Variants in ZC3HAV1 observed in about 807,000 individuals in gnomAD.
The protein encoded by ZC3HAV1 is zinc finger CCCH-type antiviral protein 1.
A neutral mutation model predicts 86.6 loss-of-function variants in ZC3HAV1; 41 were observed. The observed-to-expected ratio is 0.47, with a 90% CI of 0.37 to 0.61. ZC3HAV1 has a LOEUF of 0.61. Ranked by LOEUF, ZC3HAV1 falls within the 20% of genes least tolerant of loss-of-function variation. The pLI, the probability that ZC3HAV1 is intolerant of heterozygous loss-of-function variation, is 0.00. For synonymous variants in ZC3HAV1, 421 were observed against 432.1 expected (o/e 0.97, Z 0.32); for missense variants, 964 against 1,141.1 (o/e 0.84, Z 2.24).
rs146018538 is a variant in ZC3HAV1 at position 139,107,718 on chromosome 7, G to C, written c.308+1306C>G. Among the ~76,000 whole-genome samples the C allele has an allele frequency of 1.3e-3, 195 of 152,304 alleles. 1 individual carries two copies. Among genetic ancestry groups the C allele is most frequent in the African/African-American group, 4.5e-3 (186 of 41,566 alleles). Reference sequence around the variant, plus strand: ...CTCGGGAGGCTGAGGCAGGAGAATCGCTTGAACCTGGGAGGTGGAGGTTGC... The same window carrying C: ...CTCGGGAGGCTGAGGCAGGAGAATCCCTTGAACCTGGGAGGTGGAGGTTGC... On this transcript the variant is annotated intron_variant, in intron 1 of 12. Transcript: ENST00000242351.
At chr7:139,084,274 T>A (rs890501655) in intron 2 of ZC3HAV1, among the ~76,000 whole-genome samples, 1 of 152,118 alleles carries the variant, frequency 6.6e-6, no homozygotes, top group Non-Finnish European at 1.5e-5. Context: ...CTTGGAAGAA[T>A]CAATGTAAGC....
At chr7:139,086,757 T>C (rs1817283362) in intron 2 of ZC3HAV1, among the ~76,000 whole-genome samples, 1 of 152,336 alleles carries the variant, frequency 6.6e-6, no homozygotes, top group Middle Eastern at 3.4e-3. Flanking sequence ...GTTCTCATGA[T>C]AGTGAGTTCT....
chr7:139,056,600 A>G (rs904041816), intron 9 of ZC3HAV1, among the ~76,000 whole-genome samples: 2 of 150,156 alleles, frequency 1.3e-5, no homozygotes, highest in East Asian at 3.9e-4. Context: ...TGGGGTCTCA[A>G]CTCACCATGT....
Position 139,054,098 on chromosome 7 carries a change from A to C in ZC3HAV1, c.2188-3T>G. 1.9e-6 allele frequency: 3 copies of C among 1,563,592 alleles called. No individual in the cohort carries two copies. The highest frequency in any genetic ancestry group is 2.6e-6 in the Non-Finnish European group (3 of 1,164,032). ...TGTAGGTGATGGATCTCTGACAACT[A>C]ATAAAGTTTAAAAATAGATAAATGT... On this transcript the variant is annotated splice_polypyrimidine_tract_variant and splice_region_variant and intron_variant, in intron 10 of 12. Transcript: ENST00000242351.
chr7:139,084,621 C>G (rs571918373), intron 2 of ZC3HAV1, among the ~76,000 whole-genome samples: 1 of 152,306 alleles, frequency 6.6e-6, no homozygotes, highest in East Asian at 1.9e-4. Flanking sequence ...GTTTTAAAAT[C>G]TGAGGCCCTG....
At chr7:139,092,086 T>C (rs1048371306) in intron 1 of ZC3HAV1, among the ~76,000 whole-genome samples, 3 of 152,146 alleles carry the variant, frequency 2.0e-5, no homozygotes, top group Admixed American at 1.3e-4. Context: ...AAAGGATAAA[T>C]GGTTACAAGA....
intron 1 of ZC3HAV1, among the ~76,000 whole-genome samples, chr7:139,091,027 A>AC (rs1489148703): frequency 6.6e-6 from 1 of 152,034 alleles, no homozygotes; most frequent in Non-Finnish European, 1.5e-5. Context: ...CCACCCTGTG[A>AC]CCCTGGCTTC....
intron 11 of ZC3HAV1, 105 bp downstream of exon 11, chr7:139,053,860 A>G: frequency 7.3e-7 from 1 of 1,378,396 alleles, no homozygotes; most frequent in Non-Finnish European, 9.7e-7. Context: ...GCCTAAAGGA[A>G]CTGTTAACTA....
At chr7:139,053,629 T>A in intron 11 of ZC3HAV1, 48 bp from the exon 12 acceptor site, 1 of 1,519,924 alleles carries the variant, frequency 6.6e-7, no homozygotes, top group South Asian at 1.3e-5. Context: ...CCCTTCCCAC[T>A]CCAGTTGATA....
At chr7:139,055,494 T>C (rs2297240) in intron 9 of ZC3HAV1, among the ~76,000 whole-genome samples, 199 bp from the exon 10 acceptor site, 94,766 of 152,106 alleles carry the variant, frequency 0.62, 29,687 homozygotes, top group East Asian at 0.7. Flanking sequence ...ATGCTGCAAC[T>C]ATTCATAATC....
At chr7:139,106,336 G>A (rs572050849) in intron 1 of ZC3HAV1, among the ~76,000 whole-genome samples, 3 of 152,342 alleles carry the variant, frequency 2.0e-5, no homozygotes, top group South Asian at 4.1e-4. Context: ...TAGGCCAGGT[G>A]AGGCAGTGGC....
intron 1 of ZC3HAV1, among the ~76,000 whole-genome samples, chr7:139,097,420 A>ATTTTTTTTTT (rs1563140627): frequency 2.5e-5 from 2 of 79,168 alleles, no homozygotes; most frequent in Non-Finnish European, 4.3e-5. Context: ...ATATATATAT[A>ATTTTTTTTTT]TATATATATT....
At chr7:139,090,199 G>A (rs968294580) in intron 1 of ZC3HAV1, among the ~76,000 whole-genome samples, 4 of 152,092 alleles carry the variant, frequency 2.6e-5, no homozygotes, top group African/African-American at 9.7e-5. Context: ...GGGATTACAG[G>A]TATGAGCTAC....
Position 139,047,684 on chromosome 7 carries a change from A to G in ZC3HAV1, c.2619T>C (p.Asn873=), listed in dbSNP as rs1442269276. The change falls in exon 13 of 13, where the codon AAT becomes AAC. Residue 873 remains asparagine, a synonymous_variant. Transcript: ENST00000242351. The part of the protein sequence containing the change: ...QFDSCVDTRS[N]PSVFVIFQKD... ...TCTGAAAGATGACAAAAACGGAGGG[A>G]TTCGATCTGGTATCCACACAGCTGT... 7 of 1,614,020 alleles carry G rather than the reference A, an allele frequency of 4.3e-6. No individual in the cohort carries two copies. The highest frequency in any genetic ancestry group is 5.9e-6 in the Non-Finnish European group (7 of 1,180,038).
chr7:139,102,970 ATATG>A (rs1314973356), intron 1 of ZC3HAV1, among the ~76,000 whole-genome samples: 2 of 87,428 alleles, frequency 2.3e-5, no homozygotes, highest in Non-Finnish European at 4.8e-5. Context: ...ATGTATATGT[ATATG>A]TGTGTGTGTG....
chr7:139,079,208 G>A (rs972396328), intron 4 of ZC3HAV1: 9 of 1,536,258 alleles, frequency 5.9e-6, no homozygotes, highest in Non-Finnish European at 7.8e-6. Flanking sequence ...TCTGTTGCTT[G>A]AGGAAAGGGC....
Position 139,046,863 on chromosome 7 carries a change from CT to C in ZC3HAV1, c.*730del, listed in dbSNP as rs1419019143. On this transcript the variant is annotated 3_prime_UTR_variant, in exon 13 of 13. Coordinates refer to ENST00000242351, the MANE Select transcript of ZC3HAV1 (RefSeq NM_020119.4). ...ATTTCTCCCAAATTTTCCAAATTAACTTTCTTTCAATGTAACCAAAACAAAA... is the reference window on the plus strand; with the variant it reads ...ATTTCTCCCAAATTTTCCAAATTAACTTCTTTCAATGTAACCAAAACAAAA... 1 of 152,178 alleles carries C rather than the reference CT, an allele frequency of 6.6e-6. No individual in the cohort carries two copies. Among genetic ancestry groups the C allele is most frequent in the East Asian group, 1.9e-4 (1 of 5,198 alleles). 9.4% of individuals were successfully genotyped at this position (152,178 alleles called of 1,614,324 possible). A position where few individuals can be genotyped will look rare whatever the true frequency, so the allele number is the denominator to read the frequency against.
chr7:139,094,278 G>A (rs997351301), intron 1 of ZC3HAV1, among the ~76,000 whole-genome samples: 1 of 152,084 alleles, frequency 6.6e-6, no homozygotes, highest in African/African-American at 2.4e-5. Flanking sequence ...CATACTTGGA[G>A]TATAGGCAGC....
At chr7:139,100,337 C>T (rs1817713282) in intron 1 of ZC3HAV1, among the ~76,000 whole-genome samples, 1 of 151,764 alleles carries the variant, frequency 6.6e-6, no homozygotes, top group Non-Finnish European at 1.5e-5. Context: ...CGAGACCACC[C>T]TAGCGAACAT....
Sources: gnomAD v4.1 joint callset for allele counts (sites outside exome capture counted in the v4.1 genomes callset) on GRCh38, gnomAD v4.1.1 for gene constraint, MANE v1.5 for transcripts, NCBI Gene and HGNC (gene_info 2026-07-23, HGNC 2026-07-21) for gene names.